The following TRIM29 variants were observed in gnomAD, a reference collection of about 807,000 sequenced individuals.
TRIM29 encodes the protein tripartite motif-containing protein 29.
In TRIM29, 52 loss-of-function variants were observed where a neutral mutation model predicts 57.3. The ratio of observed to expected loss-of-function variants is 0.91; its 90% CI spans 0.73 to 1.14. The LOEUF is 1.14. Among genes scored for constraint, TRIM29 ranks in the 50% most tolerant of loss-of-function variants. TRIM29 has a pLI of 0.00. For missense variants in TRIM29, 753 were observed against 774.6 expected (o/e 0.97, Z 0.33); for synonymous variants, 319 against 316.9 (o/e 1.01, Z -0.07).
intron 4 of TRIM29, 56 bp from the exon 5 acceptor site, chr11:120,123,111 C>G: frequency 6.6e-7 from 1 of 1,519,802 alleles, no homozygotes; most frequent in Non-Finnish European, 9.1e-7. Flanking sequence ...AGGAGCCAGC[C>G]ACTGGGGACT....
At chr11:120,132,799 G>A (rs1248861737) in intron 1 of TRIM29, among the ~76,000 whole-genome samples, 1 of 152,212 alleles carries the variant, frequency 6.6e-6, no homozygotes. Flanking sequence ...TGAAATGCTG[G>A]ATAGATTTCC....
rs751164196 is a variant in TRIM29 at position 120,120,597 on chromosome 11, A to C, written c.1504T>G (p.Phe502Val). ...RFTKETTQKN[F>V]NNLYGTKGNY... ...CCTTTGGTGCCATAGAGATTGTTGAAATTCTTCTGGGTGGTCTCCTTGGTG... is the reference window on the plus strand; with the variant it reads ...CCTTTGGTGCCATAGAGATTGTTGACATTCTTCTGGGTGGTCTCCTTGGTG... The change falls in exon 6 of 9, where the codon TTC becomes GTC. Residue 502 changes from phenylalanine (F) to valine (V), a missense_variant. Transcript: ENST00000341846. 42 of 1,613,286 alleles carry C rather than the reference A, an allele frequency of 2.6e-5. No homozygotes were observed. The highest frequency in any genetic ancestry group is 3.1e-5 in the Non-Finnish European group (37 of 1,179,952).
At chr11:120,122,163 TGAAAGAC>T (rs1863470421) in intron 5 of TRIM29, among the ~76,000 whole-genome samples, 1 of 148,854 alleles carries the variant, frequency 6.7e-6, no homozygotes, top group East Asian at 2.1e-4. Context: ...TGTGTGTGTG[TGAAAGAC>T]GTGTGTGAAT....
chr11:120,114,636 C>T (rs760702888), intron 8 of TRIM29, among the ~76,000 whole-genome samples: 7 of 152,192 alleles, frequency 4.6e-5, no homozygotes, highest in Non-Finnish European at 7.3e-5. Context: ...AACTACAGTC[C>T]CCGATCACTG....
intron 5 of TRIM29, chr11:120,120,890 T>C (rs770144574): frequency 2.0e-5 from 13 of 642,134 alleles, no homozygotes; most frequent in South Asian, 1.4e-4. Context: ...CAGCATAAAC[T>C]TGGAGAGGCC....
At chr11:120,116,425 A>T (rs1863271195) in intron 7 of TRIM29, 1 of 152,342 alleles carries the variant, frequency 6.6e-6, no homozygotes, top group Non-Finnish European at 1.5e-5. Context: ...CTGTCCAGTG[A>T]GAGGCTGCAT....
At chr11:120,123,089 C>T (rs1863501484) in intron 4 of TRIM29, 34 bp from the exon 5 acceptor site, 1 of 1,603,164 alleles carries the variant, frequency 6.2e-7, no homozygotes, top group Non-Finnish European at 8.5e-7. Context: ...GCAGAGGAGC[C>T]AGGTGGGAAG....
At chr11:120,114,414 C>G (rs1863214396) in intron 8 of TRIM29, among the ~76,000 whole-genome samples, 1 of 152,204 alleles carries the variant, frequency 6.6e-6, no homozygotes, top group Non-Finnish European at 1.5e-5. Context: ...TCCAATTAAA[C>G]CAACCCCAGC....
intron 4 of TRIM29, chr11:120,123,381 A>G: frequency 1.9e-6 from 1 of 515,940 alleles, no homozygotes; most frequent in Middle Eastern, 2.9e-4. Context: ...CCATACATCA[A>G]TTGTGGTTGT....
chr11:120,123,125 G>A lies in TRIM29; in HGVS notation c.1334-70C>T, dbSNP rs1192400731. 9 of 1,382,150 alleles carry A rather than the reference G, an allele frequency of 6.5e-6. No individual in the cohort carries two copies. In the African/African-American group the frequency reaches 1.3e-4, roughly 20 times the overall value. 85.6% of individuals were successfully genotyped at this position (1,382,150 alleles called of 1,614,324 possible). Reference sequence around the variant, plus strand: ...GAGGAGCCAGCCACTGGGGACTTTTGGGGCTCAGATGAGTCACCCCATAGC... The same window carrying A: ...GAGGAGCCAGCCACTGGGGACTTTTAGGGCTCAGATGAGTCACCCCATAGC... On this transcript the variant is annotated intron_variant, in intron 4 of 8. Transcript: ENST00000341846.
intron 1 of TRIM29, among the ~76,000 whole-genome samples, chr11:120,132,266 TCTCTCTCC>T (rs3837382): frequency 0.14 from 21,400 of 151,328 alleles, 1,800 homozygotes; most frequent in East Asian, 0.43. Flanking sequence ...GCCCCAGCTT[TCTCTCTCC>T]CTCTCTCCCT....
In TRIM29 at chr11:120,123,073, G is replaced by A. The variant is rs370006317; in HGVS notation, c.1334-18C>T. On this transcript the variant is annotated intron_variant, in intron 4 of 8. Transcript: ENST00000341846. ...GTCACCACCTAGGAAGCAGAGGGTCGGGTCAGCAGAGGAGCCAGGTGGGAA... is the reference window on the plus strand; with the variant it reads ...GTCACCACCTAGGAAGCAGAGGGTCAGGTCAGCAGAGGAGCCAGGTGGGAA... 1.1e-5 allele frequency: 17 copies of A among 1,612,826 alleles called. No homozygotes were observed. The highest frequency in any genetic ancestry group is 1.7e-4 in the Middle Eastern group (1 of 6,056).
chr11:120,125,032 G>A (rs550942230), intron 4 of TRIM29: 1 of 152,710 alleles, frequency 6.5e-6, no homozygotes, highest in East Asian at 1.9e-4. Context: ...GGGACTGGGT[G>A]GAAAAGGACT....
chr11:120,137,945 C>T lies in TRIM29; in HGVS notation c.87G>A (p.Leu29=), dbSNP rs201310199. The T allele has an allele frequency of 1.5e-5, 24 of 1,608,094 alleles. No individual in the cohort carries two copies. Among genetic ancestry groups the T allele is most frequent in the South Asian group, 3.3e-5 (3 of 91,086 alleles). The change falls in exon 1 of 9, where the codon CTG becomes CTA. Residue 29 remains leucine, a synonymous_variant. Transcript: ENST00000341846. This position sits in a 1 kb window ranked among gnomAD's most constrained non-coding sequence, Gnocchi z 6.2. ...ARSPSGPSGS[L]ENGTKADGKD... ...TGCCGTCAGCCTTGGTGCCATTCTCCAGGCTGCCACTGGGGCCCGACGGGC... is the reference window on the plus strand; with the variant it reads ...TGCCGTCAGCCTTGGTGCCATTCTCTAGGCTGCCACTGGGGCCCGACGGGC...
chr11:120,126,212 A>T (rs1356911317), intron 3 of TRIM29: 1 of 239,334 alleles, frequency 4.2e-6, no homozygotes, highest in Non-Finnish European at 8.0e-6. Context: ...AAATGCAAGG[A>T]ATTACTATAG....
intron 7 of TRIM29, chr11:120,116,794 G>A (rs1863282601): frequency 9.2e-6 from 2 of 216,246 alleles, no homozygotes; most frequent in Admixed American, 5.6e-5. Context: ...GCAGGCAGAA[G>A]TCCAGATAGA....
At chr11:120,126,541 G>T (rs1863594990) in intron 3 of TRIM29, among the ~76,000 whole-genome samples, 1 of 152,152 alleles carries the variant, frequency 6.6e-6, no homozygotes, top group Non-Finnish European at 1.5e-5. Context: ...ACCATGCCCA[G>T]CCCACAGTGG....
At chr11:120,122,917 A>C in intron 5 of TRIM29, 37 bp downstream of exon 5, 1 of 1,588,358 alleles carries the variant, frequency 6.3e-7, no homozygotes, top group South Asian at 1.1e-5. Flanking sequence ...GGGCAGCAGG[A>C]GAGACACTAG....
At position 120,128,651 on chromosome 11, in the gene TRIM29, G is replaced by A. The variant is rs780664804; in HGVS notation, c.805-156C>T. 47 of 1,528,948 alleles carry A rather than the reference G, an allele frequency of 3.1e-5. No individual in the cohort carries two copies. The African/African-American group carries it at 3.8e-4, about 12-fold the overall frequency. 94.7% of individuals were successfully genotyped at this position (1,528,948 alleles called of 1,614,324 possible). A position where few individuals can be genotyped will look rare whatever the true frequency, so the allele number is the denominator to read the frequency against. ...TTCAGCAAACATTCATCAGGACCTC[G>A]GATATGCCAGGCACCATGCCAGTCG... On this transcript the variant is annotated intron_variant, in intron 1 of 8. Coordinates refer to ENST00000341846, the MANE Select transcript of TRIM29 (RefSeq NM_012101.4).
Sources: allele counts gnomAD v4.1 joint callset (sites outside exome capture counted in the v4.1 genomes callset), GRCh38; gene constraint gnomAD v4.1.1; non-coding constraint Gnocchi (gnomAD v3.1); transcripts MANE v1.5; gene names NCBI Gene and HGNC (gene_info 2026-07-23, HGNC 2026-07-21).